Variants in ATRX observed in about 807,000 individuals in gnomAD.
ATRX encodes chromatin remodeler ATRX.
ATRX carries 12 observed loss-of-function variants against 172.6 expected under a neutral mutation model. The ratio of observed to expected loss-of-function variants is 0.07; its 90% CI spans 0.04 to 0.11. The LOEUF is 0.11. ATRX is among the 10% of genes least tolerant of loss of function. The pLI, the probability that ATRX is intolerant of heterozygous loss-of-function variation, is 1.00. For synonymous variants in ATRX, 674 were observed against 594.7 expected (o/e 1.13, Z -1.94); for missense variants, 1,368 against 1,767.4 (o/e 0.77, Z 4.05).
At chrX:77,697,702 T>A in intron 3 of ATRX, 67 bp from the exon 4 acceptor site, 2 of 970,441 alleles carry the variant, frequency 2.1e-6, no homozygotes, top group Non-Finnish European at 2.9e-6. Flanking sequence ...AATTAGCTAT[T>A]TCCCTATAGC....
At chrX:77,780,243 T>C (rs113698351) in intron 1 of ATRX, among the ~76,000 whole-genome samples, 2,742 of 111,750 alleles carry the variant, frequency 0.025, 79 homozygotes, top group African/African-American at 0.084. Context: ...AAAGAAACTT[T>C]ATCTCACCAC....
intron 1 of ATRX, among the ~76,000 whole-genome samples, chrX:77,770,610 C>T (rs782186167): frequency 1.8e-5 from 2 of 111,829 alleles, no homozygotes; most frequent in East Asian, 5.6e-4. Context: ...AATAGAGATA[C>T]ATTCTAAAAA....
intron 1 of ATRX, among the ~76,000 whole-genome samples, chrX:77,724,630 G>A (rs2073946622): frequency 9.0e-6 from 1 of 111,142 alleles, no homozygotes; most frequent in South Asian, 3.8e-4. Flanking sequence ...TGATCAAGTT[G>A]GGTAAAACTA....
At chrX:77,634,530 T>C (rs1440196520) in intron 17 of ATRX, 64 bp downstream of exon 17, 6 of 953,203 alleles carry the variant, frequency 6.3e-6, no homozygotes, top group African/African-American at 1.9e-5. Flanking sequence ...TGAAACATAA[T>C]AGAATCCAAT....
intron 1 of ATRX, among the ~76,000 whole-genome samples, chrX:77,772,769 G>GA (rs1471956074): frequency 9.1e-6 from 1 of 109,925 alleles, no homozygotes; most frequent in Admixed American, 9.8e-5. Flanking sequence ...CCAAAGGCGT[G>GA]AGTCACCACA....
intron 22 of ATRX, among the ~76,000 whole-genome samples, chrX:77,608,653 G>A (rs991128554): frequency 9.0e-6 from 1 of 111,731 alleles, no homozygotes; most frequent in Non-Finnish European, 1.9e-5. Context: ...AACCACTGGA[G>A]AAACTCTACA....
At chrX:77,716,760 T>G (rs1387139688) in intron 2 of ATRX, among the ~76,000 whole-genome samples, 1 of 111,154 alleles carries the variant, frequency 9.0e-6, no homozygotes, top group Non-Finnish European at 1.9e-5. Flanking sequence ...AAAATAAAAA[T>G]TTAACTCCTA....
At chrX:77,551,267 G>A (rs1280947423) in intron 30 of ATRX, among the ~76,000 whole-genome samples, 1 of 111,544 alleles carries the variant, frequency 9.0e-6, no homozygotes, top group Non-Finnish European at 1.9e-5. Flanking sequence ...CCAAAACAGA[G>A]ATATAGACCA....
chrX:77,688,955 C>A, intron 6 of ATRX, 28 bp from the exon 7 acceptor site: 1 of 1,052,545 alleles, frequency 9.5e-7, no homozygotes. Context: ...CTATTATTCA[C>A]ACATTTATAC....
chrX:77,566,128 A>G (rs1163818069), intron 28 of ATRX, among the ~76,000 whole-genome samples: 1 of 111,842 alleles, frequency 8.9e-6, no homozygotes, highest in Non-Finnish European at 1.9e-5. Context: ...AAAATTACCA[A>G]AATGTATTAA....
chrX:77,599,826 G>GAA lies in ATRX; in HGVS notation c.5698-8_5698-7dup. ...CTGTCTTCATCAAAATAACCCTAGA[G>GAA]AAAAAAAAATGACCACTATTTTAAT... is the stretch of plus-strand genomic sequence containing the variant. On this transcript the variant is annotated splice_polypyrimidine_tract_variant and splice_region_variant and intron_variant, in intron 23 of 34. Transcript: ENST00000373344. 8.8e-7 allele frequency: 1 copy of GAA among 1,142,076 alleles called. No individual in the cohort carries two copies. Among genetic ancestry groups the GAA allele is most frequent in the Non-Finnish European group, 1.2e-6 (1 of 841,148 alleles). 94.1% of individuals were successfully genotyped at this position (1,142,076 alleles called of 1,213,427 possible).
intron 22 of ATRX, chrX:77,600,796 T>G (rs1483295426): frequency 2.7e-5 from 8 of 291,885 alleles, no homozygotes; most frequent in African/African-American, 2.2e-4. Flanking sequence ...AAATATGTGC[T>G]TTTTAAAATT....
intron 19 of ATRX, among the ~76,000 whole-genome samples, chrX:77,631,209 A>T (rs2148327581): frequency 9.0e-6 from 1 of 111,053 alleles, no homozygotes; most frequent in Non-Finnish European, 1.9e-5. Context: ...AGCAAAAAAA[A>T]AAAAAAAATG....
intron 2 of ATRX, among the ~76,000 whole-genome samples, chrX:77,701,061 A>C (rs2072479863): frequency 8.9e-6 from 1 of 112,364 alleles, no homozygotes; most frequent in Admixed American, 9.4e-5. Flanking sequence ...ATGACATGTC[A>C]ATGTAGGTTC....
intron 19 of ATRX, among the ~76,000 whole-genome samples, chrX:77,632,675 T>G (rs2068166081): frequency 8.9e-6 from 1 of 112,189 alleles, no homozygotes; most frequent in Admixed American, 9.5e-5. Context: ...ATAATTTTAG[T>G]TTTGCAGACA....
chrX:77,566,242 A>C (rs1557064485), intron 28 of ATRX, among the ~76,000 whole-genome samples: 1 of 111,749 alleles, frequency 8.9e-6, no homozygotes, highest in African/African-American at 3.2e-5. Flanking sequence ...AACGTAGAAA[A>C]ATAATCTTGA....
intron 15 of ATRX, among the ~76,000 whole-genome samples, chrX:77,651,217 C>CAAAAAAAAAAAAAAAAAAAA (rs1170232589): frequency 1.8e-4 from 3 of 16,482 alleles, no homozygotes; most frequent in African/African-American, 2.5e-4. Flanking sequence ...AACTCCATCT[C>CAAAAAAAAAAAAAAAAAAAA]AAAAAAAAAA....
At chrX:77,659,482 T>TACACACACAC (rs72145948) in intron 12 of ATRX, among the ~76,000 whole-genome samples, 8 of 88,486 alleles carry the variant, frequency 9.0e-5, no homozygotes, top group African/African-American at 2.0e-4. Flanking sequence ...TTTCTCTCTC[T>TACACACACAC]ACACACACAC....
chrX:77,677,606 G>C (rs1455838862), intron 9 of ATRX, among the ~76,000 whole-genome samples: 4 of 109,788 alleles, frequency 3.6e-5, no homozygotes, highest in African/African-American at 1.3e-4. Flanking sequence ...CACTGTACTA[G>C]AGTTACAAGA....
Sources: gnomAD v4.1 joint callset for allele counts (sites outside exome capture counted in the v4.1 genomes callset) on GRCh38, gnomAD v4.1.1 for gene constraint, MANE v1.5 for transcripts, NCBI Gene and HGNC (gene_info 2026-07-23, HGNC 2026-07-21) for gene names.